Variants in MACROD2 observed in about 807,000 individuals in gnomAD.
MACROD2 encodes the protein mono-ADP ribosylhydrolase 2, also known as ADP-ribose glycohydrolase MACROD2.
Under a neutral mutation model 70.4 loss-of-function variants are expected in MACROD2, and 36 were observed. That is an observed-to-expected ratio of 0.51 (90% CI 0.39 to 0.68). MACROD2 has a LOEUF of 0.68. Among genes scored for constraint, MACROD2 ranks in the 30% least tolerant of loss-of-function variants. The probability of loss-of-function intolerance (pLI) is 0.00; values close to 1 mark genes in which losing one functional copy is unlikely to be tolerated. For synonymous variants in MACROD2, 172 were observed against 178.8 expected (o/e 0.96, Z 0.30); for missense variants, 496 against 538.4 (o/e 0.92, Z 0.78).
chr20:14,303,964 T>C (rs993958403), intron 3 of MACROD2, among the ~76,000 whole-genome samples: 2 of 151,768 alleles, frequency 1.3e-5, no homozygotes, highest in African/African-American at 2.4e-5. Flanking sequence ...CCATGACCTC[T>C]TAGCTCTACA....
chr20:15,704,434 C>A (rs1295094423), intron 8 of MACROD2, among the ~76,000 whole-genome samples: 1 of 152,076 alleles, frequency 6.6e-6, no homozygotes, highest in African/African-American at 2.4e-5. Context: ...GAAAAAAAAC[C>A]CTCCGTTAGA....
At chr20:14,868,931 T>C (rs930990517) in intron 5 of MACROD2, among the ~76,000 whole-genome samples, 4 of 152,168 alleles carry the variant, frequency 2.6e-5, no homozygotes, top group Non-Finnish European at 4.4e-5. Flanking sequence ...AGGACTATCG[T>C]TGATACAGGA....
rs1183612533 is a variant in MACROD2 at position 16,050,863 on chromosome 20, A to G, written c.*987A>G. The G allele has an allele frequency of 6.6e-6, 1 of 152,272 alleles. No homozygotes were observed. Among genetic ancestry groups the G allele is most frequent in the Non-Finnish European group, 1.5e-5 (1 of 68,066 alleles). 9.4% of individuals were successfully genotyped at this position (152,272 alleles called of 1,614,324 possible). The stretch of plus-strand genomic sequence containing the variant: ...GTGGTCTCATTTGAAATTACAGGAA[A>G]TTAGAGCTTTTGCTTGCAGTTCTGC... On this transcript the variant is annotated 3_prime_UTR_variant, in exon 18 of 18. Coordinates refer to ENST00000684519, the MANE Select transcript of MACROD2 (RefSeq NM_001351661.2).
At chr20:14,483,940 A>G (rs1271387322) in intron 3 of MACROD2, among the ~76,000 whole-genome samples, 1 of 152,240 alleles carries the variant, frequency 6.6e-6, no homozygotes, top group African/African-American at 2.4e-5. Flanking sequence ...AAAGAAGACC[A>G]TTAAAAAGTT....
intron 5 of MACROD2, among the ~76,000 whole-genome samples, chr20:14,702,613 GTA>G (rs1197960969): frequency 0.012 from 274 of 23,170 alleles, 32 homozygotes; most frequent in African/African-American, 0.035. Flanking sequence ...ATATATATGT[GTA>G]TATATATATA....
chr20:14,275,886 A>G (rs1465287010), intron 3 of MACROD2, among the ~76,000 whole-genome samples: 1 of 152,266 alleles, frequency 6.6e-6, no homozygotes, highest in Non-Finnish European at 1.5e-5. Context: ...AATGCTCACC[A>G]TCACTGGCCA....
intron 8 of MACROD2, among the ~76,000 whole-genome samples, chr20:15,856,140 A>G (rs1233346104): frequency 6.6e-6 from 1 of 152,212 alleles, no homozygotes; most frequent in African/African-American, 2.4e-5. Context: ...TTTTATTCTC[A>G]AAAGCAGTCT....
chr20:15,193,230 T>C (rs1182870155), intron 5 of MACROD2, among the ~76,000 whole-genome samples: 2 of 152,348 alleles, frequency 1.3e-5, no homozygotes, highest in Admixed American at 6.5e-5. Flanking sequence ...TATTAGAGTA[T>C]TACTTTAAAA....
chr20:14,100,790 T>C (rs539727883), intron 3 of MACROD2, among the ~76,000 whole-genome samples: 141 of 138,764 alleles, frequency 1.0e-3, no homozygotes, highest in Middle Eastern at 3.8e-3. Context: ...TTACATATTA[T>C]ATATTATATA....
chr20:15,902,992 T>C (rs1378343180), intron 10 of MACROD2, among the ~76,000 whole-genome samples: 1 of 152,138 alleles, frequency 6.6e-6, no homozygotes, highest in Non-Finnish European at 1.5e-5. Flanking sequence ...TAGATCTCTC[T>C]GATTATTAAG....
intron 8 of MACROD2, among the ~76,000 whole-genome samples, chr20:15,779,046 A>G (rs1308306109): frequency 6.6e-6 from 1 of 152,124 alleles, no homozygotes; most frequent in Non-Finnish European, 1.5e-5. Context: ...TAGGAATCAC[A>G]CAGAGACTAA....
chr20:14,880,697 G>A (rs1280711893), intron 5 of MACROD2, among the ~76,000 whole-genome samples: 1 of 152,188 alleles, frequency 6.6e-6, no homozygotes, highest in African/African-American at 2.4e-5. Flanking sequence ...AATGACCAAT[G>A]AGGAGAGGCC....
chr20:15,184,162 A>T (rs1425438123), intron 5 of MACROD2, among the ~76,000 whole-genome samples: 2 of 152,204 alleles, frequency 1.3e-5, no homozygotes, highest in Non-Finnish European at 2.9e-5. Context: ...TGCCTTAGAC[A>T]AATATAACAT....
intron 5 of MACROD2, among the ~76,000 whole-genome samples, chr20:14,921,882 A>G (rs1279066262): frequency 1.3e-5 from 2 of 152,210 alleles, no homozygotes; most frequent in East Asian, 1.9e-4. Context: ...TGAATGTACA[A>G]TCATTGTGTG....
At chr20:14,483,802 T>A (rs2084690348) in intron 3 of MACROD2, among the ~76,000 whole-genome samples, 1 of 152,164 alleles carries the variant, frequency 6.6e-6, no homozygotes, top group African/African-American at 2.4e-5. Flanking sequence ...TACTCTAATC[T>A]TTTCTAGCCA....
chr20:15,307,904 G>A (rs1040332854), intron 6 of MACROD2, among the ~76,000 whole-genome samples: 9 of 151,866 alleles, frequency 5.9e-5, no homozygotes, highest in African/African-American at 1.9e-4. Flanking sequence ...GTTATTTTCT[G>A]GAATATCCCT....
chr20:14,275,471 A>G lies in MACROD2; in HGVS notation c.271+189743A>G, dbSNP rs868638861. Among the ~76,000 whole-genome samples, 424 of 151,980 alleles carry G rather than the reference A, an allele frequency of 2.8e-3. 1 individual carries two copies. Among genetic ancestry groups the G allele is most frequent in the African/African-American group, 9.6e-3 (398 of 41,438 alleles). On this transcript the variant is annotated intron_variant, in intron 3 of 17. Transcript: ENST00000684519. ...GGATCCCTTCCTTACACCTTATACA[A>G]AAATTAATTCAAGATGGATTAAAGA...
At chr20:15,503,292 A>G (rs2047386686) in intron 8 of MACROD2, among the ~76,000 whole-genome samples, 1 of 152,222 alleles carries the variant, frequency 6.6e-6, no homozygotes, top group Admixed American at 6.5e-5. Flanking sequence ...CATGCTACAG[A>G]TAGTTAAGTC....
intron 4 of MACROD2, among the ~76,000 whole-genome samples, chr20:14,560,350 T>C (rs1042529310): frequency 5.3e-5 from 7 of 131,162 alleles, no homozygotes; most frequent in Non-Finnish European, 8.7e-5. Flanking sequence ...GGTGCACGCA[T>C]GTGTGTATAC....
Sources: allele counts gnomAD v4.1 joint callset (sites outside exome capture counted in the v4.1 genomes callset), GRCh38; gene constraint gnomAD v4.1.1; transcripts MANE v1.5; gene names NCBI Gene and HGNC (gene_info 2026-07-23, HGNC 2026-07-21).